The following PDE4B variants were observed in gnomAD, a reference collection of about 807,000 sequenced individuals.
PDE4B encodes the protein 3',5'-cyclic-AMP phosphodiesterase 4B.
PDE4B carries 20 observed loss-of-function variants against 82.2 expected under a neutral mutation model. The observed-to-expected ratio is 0.24, with a 90% CI of 0.17 to 0.35. PDE4B has a LOEUF of 0.35. PDE4B is among the 10% of genes least tolerant of loss of function. The probability of loss-of-function intolerance (pLI) is 1.00; values close to 1 mark genes in which losing one functional copy is unlikely to be tolerated. For missense variants in PDE4B, 655 were observed against 907.2 expected (o/e 0.72, Z 3.57); for synonymous variants, 320 against 318.9 (o/e 1.00, Z -0.04).
At chr1:65,825,999 A>G (rs1412870190) in intron 1 of PDE4B, among the ~76,000 whole-genome samples, 1 of 152,168 alleles carries the variant, frequency 6.6e-6, no homozygotes, top group Non-Finnish European at 1.5e-5. Context: ...CTAACATAAG[A>G]TATTCTGTAT....
chr1:66,156,343 C>A (rs1646500747), intron 3 of PDE4B, among the ~76,000 whole-genome samples: 1 of 152,002 alleles, frequency 6.6e-6, no homozygotes, highest in African/African-American at 2.4e-5. Flanking sequence ...TTTATGATGT[C>A]ATCATAAATA....
chr1:66,294,766 A>G (rs1278231366), intron 7 of PDE4B, among the ~76,000 whole-genome samples: 1 of 152,202 alleles, frequency 6.6e-6, no homozygotes, highest in Non-Finnish European at 1.5e-5. Context: ...GAGGAGAGAC[A>G]CGGTTAAGAG....
intron 9 of PDE4B, among the ~76,000 whole-genome samples, chr1:66,356,793 A>T (rs1357878228): frequency 6.6e-6 from 1 of 152,218 alleles, no homozygotes; most frequent in Non-Finnish European, 1.5e-5. Flanking sequence ...CGTGATTAAC[A>T]AGTGCCTTTC....
At chr1:66,101,838 T>G (rs987222392) in intron 3 of PDE4B, among the ~76,000 whole-genome samples, 1 of 152,176 alleles carries the variant, frequency 6.6e-6, no homozygotes, top group African/African-American at 2.4e-5. Flanking sequence ...TTAGTTTAAT[T>G]AGATCCCATT....
intron 7 of PDE4B, among the ~76,000 whole-genome samples, chr1:66,318,590 T>C (rs895603943): frequency 4.6e-5 from 7 of 152,198 alleles, no homozygotes; most frequent in African/African-American, 1.7e-4. Context: ...AGTGTTCACG[T>C]CCTGGCTATA....
chr1:66,107,084 A>C (rs574595811), intron 3 of PDE4B, among the ~76,000 whole-genome samples: 1,822 of 146,976 alleles, frequency 0.012, 48 homozygotes, highest in African/African-American at 0.044. Context: ...TAGTGCTATA[A>C]ATTTTCCTCT....
At chr1:66,023,614 T>C (rs1653267828) in intron 3 of PDE4B, among the ~76,000 whole-genome samples, 1 of 152,226 alleles carries the variant, frequency 6.6e-6, no homozygotes, top group Middle Eastern at 3.4e-3. Flanking sequence ...GTGAAGGAAA[T>C]GGTTAACAAC....
chr1:66,042,013 A>G (rs1557518873), intron 3 of PDE4B, among the ~76,000 whole-genome samples: 1 of 151,860 alleles, frequency 6.6e-6, no homozygotes, highest in Admixed American at 6.6e-5. Context: ...AAGAAAGCAA[A>G]CTTCTTGATT....
intron 3 of PDE4B, among the ~76,000 whole-genome samples, chr1:65,972,798 C>T (rs1256946176): frequency 1.3e-5 from 2 of 152,124 alleles, no homozygotes; most frequent in Non-Finnish European, 2.9e-5. Context: ...AGTCTTACTA[C>T]AAGCAAGCCT....
At chr1:66,136,181 C>T (rs1308718800) in intron 3 of PDE4B, among the ~76,000 whole-genome samples, 1 of 152,142 alleles carries the variant, frequency 6.6e-6, no homozygotes, top group Non-Finnish European at 1.5e-5. Flanking sequence ...ACTAGTACCA[C>T]CCTAATCTAA....
chr1:66,243,573 G>A (rs1472874044), intron 3 of PDE4B, among the ~76,000 whole-genome samples: 3 of 152,214 alleles, frequency 2.0e-5, no homozygotes, highest in African/African-American at 7.2e-5. Context: ...AAACTGGACT[G>A]CAGTGTCAGA....
chr1:65,853,461 C>A (rs564404480), intron 1 of PDE4B, among the ~76,000 whole-genome samples: 81 of 150,656 alleles, frequency 5.4e-4, no homozygotes, highest in African/African-American at 1.9e-3. Flanking sequence ...TTTGTGACTT[C>A]TTTTATTTTA....
At chr1:66,319,100 A>G (rs1274003736) in intron 7 of PDE4B, among the ~76,000 whole-genome samples, 1 of 152,238 alleles carries the variant, frequency 6.6e-6, no homozygotes, top group African/African-American at 2.4e-5. Flanking sequence ...CTTAGACTAC[A>G]AAATACAATG....
At chr1:65,831,141 G>A (rs1279573460) in intron 1 of PDE4B, among the ~76,000 whole-genome samples, 1 of 151,720 alleles carries the variant, frequency 6.6e-6, no homozygotes, top group Non-Finnish European at 1.5e-5. Context: ...CTTAGAGAAA[G>A]AAGAACAAGT....
chr1:65,893,464 T>C (rs1007927165), intron 1 of PDE4B, among the ~76,000 whole-genome samples: 1 of 151,992 alleles, frequency 6.6e-6, no homozygotes, highest in Non-Finnish European at 1.5e-5. Context: ...TACTCTTTAC[T>C]CCTGCAAGAA....
At chr1:65,976,138 G>A (rs1285198417) in intron 3 of PDE4B, among the ~76,000 whole-genome samples, 1 of 152,210 alleles carries the variant, frequency 6.6e-6, no homozygotes, top group African/African-American at 2.4e-5. Flanking sequence ...GCTGTATGCA[G>A]TAAAGCCACA....
At chr1:65,894,008 G>A (rs1445655287) in intron 1 of PDE4B, among the ~76,000 whole-genome samples, 2 of 151,996 alleles carry the variant, frequency 1.3e-5, no homozygotes, top group Non-Finnish European at 2.9e-5. Context: ...AGTTTGGGAG[G>A]GGGGTACCAG....
At chr1:66,095,924 TG>T (rs1296021276) in intron 3 of PDE4B, among the ~76,000 whole-genome samples, 5 of 151,912 alleles carry the variant, frequency 3.3e-5, no homozygotes, top group African/African-American at 1.2e-4. Flanking sequence ...TAAATGTTTA[TG>T]GGCTACATAA....
intron 3 of PDE4B, among the ~76,000 whole-genome samples, chr1:66,154,134 C>T (rs1646456093): frequency 6.6e-6 from 1 of 152,166 alleles, no homozygotes; most frequent in South Asian, 2.1e-4. Flanking sequence ...GTTAAGAGCT[C>T]CTCCCCTTGG....
Sources: allele counts gnomAD v4.1 joint callset (sites outside exome capture counted in the v4.1 genomes callset), GRCh38; gene constraint gnomAD v4.1.1; transcripts MANE v1.5; gene names NCBI Gene and HGNC (gene_info 2026-07-23, HGNC 2026-07-21).